DIS3L2: variants seen among roughly 807,000 people sequenced by gnomAD.
DIS3L2 encodes the protein DIS3-like exonuclease 2.
A neutral mutation model predicts 97.5 loss-of-function variants in DIS3L2; 34 were observed. The ratio of observed to expected loss-of-function variants is 0.35; its 90% CI spans 0.27 to 0.46. The LOEUF (loss-of-function observed/expected upper bound fraction) is 0.46, where lower values mean the gene tolerates loss of function less well. Among genes scored for constraint, DIS3L2 ranks in the 20% least tolerant of loss-of-function variants. The probability of loss-of-function intolerance (pLI) is 1.00; values close to 1 mark genes in which losing one functional copy is unlikely to be tolerated. For missense variants in DIS3L2, 1,038 were observed against 1,146.0 expected, an observed-to-expected ratio of 0.91 and a Z score of 1.36; for synonymous variants, 435 against 445.2, an observed-to-expected ratio of 0.98 and a Z score of 0.29.
intron 14 of DIS3L2, among the ~76,000 whole-genome samples, chr2:232,322,184 C>T (rs1375130005): frequency 1.3e-5 from 2 of 152,228 alleles, no homozygotes; most frequent in African/African-American, 2.4e-5. Context: ...CTGCCTCCTC[C>T]TCAGAGGGTT....
chr2:232,244,257 AAGAATCAC>A (rs1693183631), intron 11 of DIS3L2, among the ~76,000 whole-genome samples: 1 of 152,184 alleles, frequency 6.6e-6, no homozygotes, highest in South Asian at 2.1e-4. Flanking sequence ...GAGGAGAGTG[AAGAATCAC>A]AGGCAAATCC....
At chr2:232,318,408 C>T (rs2106337113) in intron 14 of DIS3L2, among the ~76,000 whole-genome samples, 1 of 152,358 alleles carries the variant, frequency 6.6e-6, no homozygotes, top group Non-Finnish European at 1.5e-5. Context: ...GTTTGCTTGT[C>T]CAGCAAACAT....
At position 232,142,636 on chromosome 2, in the gene DIS3L2, A is replaced by G. The variant is rs764681506; in HGVS notation, c.950+5917A>G. Among the ~76,000 whole-genome samples the G allele has an allele frequency of 3.9e-5, 6 of 152,202 alleles. No homozygotes were observed. The East Asian group carries it at 5.8e-4, about 15-fold the overall frequency. ...TTGTTGACTCTTACTTCTTTTCTCCATGCTTTTATCTATTTTCACTGATAA... is the reference window on the plus strand; with the variant it reads ...TTGTTGACTCTTACTTCTTTTCTCCGTGCTTTTATCTATTTTCACTGATAA... On this transcript the variant is annotated intron_variant, in intron 8 of 20. Coordinates refer to ENST00000325385, the MANE Select transcript of DIS3L2 (RefSeq NM_152383.5).
At chr2:232,120,036 A>G (rs1697849317) in intron 6 of DIS3L2, among the ~76,000 whole-genome samples, 1 of 152,002 alleles carries the variant, frequency 6.6e-6, no homozygotes, top group Admixed American at 6.6e-5. Context: ...TGCCCAGTTT[A>G]TCTACTCTCA....
intron 6 of DIS3L2, among the ~76,000 whole-genome samples, chr2:232,098,697 CT>C (rs1347730405): frequency 2.6e-5 from 4 of 152,072 alleles, no homozygotes; most frequent in Non-Finnish European, 4.4e-5. Flanking sequence ...CTATTAATTG[CT>C]TTTTTAATAT....
chr2:232,299,418 G>T (rs1236172938), intron 13 of DIS3L2, among the ~76,000 whole-genome samples: 1 of 152,192 alleles, frequency 6.6e-6, no homozygotes, highest in Non-Finnish European at 1.5e-5. Flanking sequence ...CCTCCCCAGA[G>T]TCACCCACCA....
chr2:231,995,194 G>A (rs534821155), intron 1 of DIS3L2, among the ~76,000 whole-genome samples: 6 of 152,130 alleles, frequency 3.9e-5, no homozygotes, highest in East Asian at 3.9e-4. Flanking sequence ...ACTGTCAATC[G>A]TGATGGCTCT....
intron 16 of DIS3L2, 79 bp from the exon 17 acceptor site, chr2:232,333,761 G>A: frequency 3.1e-4 from 444 of 1,442,528 alleles, no homozygotes; most frequent in Admixed American, 1.7e-3. Context: ...CCGACGGTGA[G>A]GCTGTGGGTG....
chr2:232,024,246 A>C, intron 3 of DIS3L2, 31 bp from the exon 4 acceptor site: 1 of 1,524,752 alleles, frequency 6.6e-7, no homozygotes, highest in African/African-American at 1.4e-5. Context: ...ATATAGCTAG[A>C]TTTTCACAAA....
At chr2:232,307,355 C>T (rs1452068950) in intron 14 of DIS3L2, among the ~76,000 whole-genome samples, 1 of 152,090 alleles carries the variant, frequency 6.6e-6, no homozygotes, top group African/African-American at 2.4e-5. Flanking sequence ...TTTCATTTGC[C>T]GTAGGATTAT....
chr2:232,127,361 G>A (rs976090737), intron 6 of DIS3L2, among the ~76,000 whole-genome samples: 2 of 152,100 alleles, frequency 1.3e-5, no homozygotes, highest in Non-Finnish European at 2.9e-5. Context: ...AATTGCTAGT[G>A]TCAGAAAGCT....
At chr2:231,979,294 A>C (rs1008084820) in intron 1 of DIS3L2, among the ~76,000 whole-genome samples, 10 of 152,022 alleles carry the variant, frequency 6.6e-5, no homozygotes, top group Non-Finnish European at 1.3e-4. Flanking sequence ...TCACTCTGTC[A>C]CCCAGGCTGG....
At chr2:232,047,796 A>G (rs1205103146) in intron 5 of DIS3L2, among the ~76,000 whole-genome samples, 2 of 152,214 alleles carry the variant, frequency 1.3e-5, no homozygotes, top group Non-Finnish European at 2.9e-5. Flanking sequence ...TACTCTAGAC[A>G]TTTCATATAA....
At chr2:232,299,348 T>C (rs190153240) in intron 13 of DIS3L2, among the ~76,000 whole-genome samples, 65 of 152,250 alleles carry the variant, frequency 4.3e-4, no homozygotes, top group Middle Eastern at 6.8e-3. Flanking sequence ...ATCTACTCCT[T>C]CTTTTTCTTT....
intron 9 of DIS3L2, among the ~76,000 whole-genome samples, chr2:232,202,854 C>T (rs1039674619): frequency 6.6e-6 from 1 of 152,180 alleles, no homozygotes; most frequent in Admixed American, 6.5e-5. Context: ...GTGCGTGAAA[C>T]AGTATTATGA....
At chr2:232,065,547 T>C (rs1695830826) in intron 5 of DIS3L2, among the ~76,000 whole-genome samples, 1 of 152,116 alleles carries the variant, frequency 6.6e-6, no homozygotes, top group African/African-American at 2.4e-5. Context: ...TTCTAGGCTC[T>C]ATATTCTGTT....
chr2:232,066,504 C>T (rs1250828828), intron 5 of DIS3L2, among the ~76,000 whole-genome samples: 2 of 151,976 alleles, frequency 1.3e-5, no homozygotes, highest in Non-Finnish European at 2.9e-5. Context: ...CATGTGTCCT[C>T]ATCAGGATTA....
At chr2:232,143,810 C>T (rs571780482) in intron 8 of DIS3L2, among the ~76,000 whole-genome samples, 2 of 151,998 alleles carry the variant, frequency 1.3e-5, no homozygotes, top group Admixed American at 1.3e-4. Context: ...TTCAAGTTCC[C>T]TGTCTGTTCT....
chr2:232,165,049 C>T (rs2106378309), intron 9 of DIS3L2, among the ~76,000 whole-genome samples: 1 of 152,282 alleles, frequency 6.6e-6, no homozygotes. Context: ...TGTACCTACT[C>T]CTGCACCCCA....
Sources: allele counts gnomAD v4.1 joint callset (sites outside exome capture counted in the v4.1 genomes callset), GRCh38; gene constraint gnomAD v4.1.1; transcripts MANE v1.5; gene names NCBI Gene and HGNC (gene_info 2026-07-23, HGNC 2026-07-21).